The following IFT52 variants were observed in gnomAD, a reference collection of about 807,000 sequenced individuals.
The protein encoded by IFT52 is intraflagellar transport 52.
In IFT52, 44 loss-of-function variants were observed where a neutral mutation model predicts 54.4. The observed-to-expected ratio is 0.81, with a 90% CI of 0.63 to 1.04. IFT52 has a LOEUF of 1.04. Ranked by LOEUF, IFT52 falls within the 50% of genes least tolerant of loss-of-function variation. IFT52 has a pLI of 0.00. For synonymous variants in IFT52, 181 were observed against 185.3 expected (o/e 0.98, Z 0.19); for missense variants, 452 against 523.6 (o/e 0.86, Z 1.33).
intron 8 of IFT52, among the ~76,000 whole-genome samples, chr20:43,619,918 T>TTC (rs1555803878): frequency 7.2e-6 from 1 of 138,494 alleles, no homozygotes; most frequent in Non-Finnish European, 1.6e-5. Flanking sequence ...TACTTTTTTT[T>TTC]TTTTTTTTTT....
At chr20:43,596,736 CTTTTTTTTT>C (rs59960911) in intron 3 of IFT52, among the ~76,000 whole-genome samples, 30 of 75,916 alleles carry the variant, frequency 4.0e-4, no homozygotes, top group Non-Finnish European at 6.7e-4. Flanking sequence ...AGCCACACTT[CTTTTTTTTT>C]TTTTTTTTTT....
chr20:43,608,164 G>A (rs565459470), intron 6 of IFT52, among the ~76,000 whole-genome samples: 101 of 151,500 alleles, frequency 6.7e-4, no homozygotes, highest in African/African-American at 2.3e-3. Context: ...AGACCGTGGG[G>A]AGAGGGAGAG....
chr20:43,611,016 A>C (rs1029860862), intron 6 of IFT52, among the ~76,000 whole-genome samples: 3 of 152,032 alleles, frequency 2.0e-5, no homozygotes, highest in South Asian at 2.1e-4. Flanking sequence ...TTGAAAGCCT[A>C]GTGCCCTACT....
chr20:43,604,984 T>A lies in IFT52; in HGVS notation c.414-18T>A. ...CAAATTTTTTTTGTTTACTAGATTT[T>A]AATTTTTCTTCTTCAAGGGAAATTA... On this transcript the variant is annotated intron_variant, in intron 5 of 13. Coordinates refer to ENST00000373030, the MANE Select transcript of IFT52 (RefSeq NM_016004.5). The A allele has an allele frequency of 6.2e-7, 1 of 1,612,246 alleles. No individual in the cohort carries two copies. Among genetic ancestry groups the A allele is most frequent in the Non-Finnish European group, 8.5e-7 (1 of 1,178,826 alleles).
rs79707730 is a variant in IFT52, at chr20:43,627,596, A to C, written c.923+3551A>C. On this transcript the variant is annotated intron_variant, in intron 10 of 13. Coordinates refer to ENST00000373030, the MANE Select transcript of IFT52 (RefSeq NM_016004.5). ...AGGTGTTTTTTGGATGGAAGAAGTC[A>C]CAGGATATTTTTATACTGGTGGGAA... is the stretch of plus-strand genomic sequence containing the variant. 1.1e-3 allele frequency among the ~76,000 whole-genome samples: 166 copies of C among 152,358 alleles called. 2 individuals are homozygous for C. The East Asian group carries it at 0.031, about 29-fold the overall frequency.
intron 4 of IFT52, 87 bp downstream of exon 4, chr20:43,603,976 G>A (rs1982657423): frequency 2.8e-6 from 3 of 1,075,288 alleles, no homozygotes; most frequent in Non-Finnish European, 4.1e-6. Flanking sequence ...TGGCATAATG[G>A]AAAAAGCCCT....
intron 11 of IFT52, among the ~76,000 whole-genome samples, chr20:43,636,567 A>T (rs188912928): frequency 6.6e-6 from 1 of 152,298 alleles, no homozygotes; most frequent in East Asian, 1.9e-4. Flanking sequence ...ATGCTACAAA[A>T]CAGGCCTTCA....
At chr20:43,604,141 T>C (rs1307577416) in intron 4 of IFT52, 42 bp from the exon 5 acceptor site, 2 of 1,502,974 alleles carry the variant, frequency 1.3e-6, no homozygotes, top group Admixed American at 3.4e-5. Context: ...ATCGAATTTA[T>C]TTCTAACCTA....
At chr20:43,640,451 C>G (rs1316798644) in intron 12 of IFT52, among the ~76,000 whole-genome samples, 1 of 151,894 alleles carries the variant, frequency 6.6e-6, no homozygotes, top group South Asian at 2.1e-4. Flanking sequence ...CAGAGTGGGA[C>G]TCCATCTGAA....
chr20:43,634,462 C>T (rs1476449785), intron 10 of IFT52, among the ~76,000 whole-genome samples: 2 of 152,100 alleles, frequency 1.3e-5, no homozygotes, highest in Non-Finnish European at 2.9e-5. Context: ...CAGACAGAAA[C>T]TAGACTAACT....
intron 6 of IFT52, among the ~76,000 whole-genome samples, chr20:43,608,038 C>G (rs1030359180): frequency 1.0e-5 from 1 of 97,768 alleles, no homozygotes; most frequent in African/African-American, 3.5e-5. Context: ...ATCACAGGCA[C>G]TCGGCAGGCT....
At chr20:43,592,053 A>G (rs1981567791) in intron 1 of IFT52, among the ~76,000 whole-genome samples, 1 of 152,188 alleles carries the variant, frequency 6.6e-6, no homozygotes, top group Non-Finnish European at 1.5e-5. Flanking sequence ...TTTTTTAGCA[A>G]TTTAGAAAAT....
At chr20:43,628,663 C>T (rs746183661) in intron 10 of IFT52, among the ~76,000 whole-genome samples, 2 of 152,096 alleles carry the variant, frequency 1.3e-5, no homozygotes, top group Non-Finnish European at 2.9e-5. Flanking sequence ...CCAGCCTGGC[C>T]AGTATGGTGA....
chr20:43,637,169 T>C lies in IFT52; in HGVS notation c.1036T>C (p.Leu346=). The C allele has an allele frequency of 6.2e-7, 1 of 1,612,684 alleles. No homozygotes were observed. The highest frequency in any genetic ancestry group is 1.1e-5 in the South Asian group (1 of 91,006). The part of the protein sequence containing the change: ...PAVFPPSFRE[L]PPPPLELFDL... ...GGTTTTTCCTCCCAGTTTCCGGGAG[T>C]TACCACCTCCTCCTCTGGAGCTATT... Residue 346 remains leucine (L), a synonymous_variant, in exon 12 of 14, where the codon TTA becomes CTA. Transcript: ENST00000373030.
At position 43,644,373 on chromosome 20, in the gene IFT52, G is replaced by C. The variant is rs964688902; in HGVS notation, c.1266+1749G>C. ...GTTTTAATAATATAATTCGGAATACGTACAGATTTATCAACCAGGATTCTC... is the reference window on the plus strand; with the variant it reads ...GTTTTAATAATATAATTCGGAATACCTACAGATTTATCAACCAGGATTCTC... On this transcript the variant is annotated intron_variant, in intron 13 of 13. Transcript: ENST00000373030. 6.8e-5 allele frequency among the ~76,000 whole-genome samples: 4 copies of C among 58,720 alleles called. 2 individuals are homozygous for C. Among genetic ancestry groups the C allele is most frequent in the Non-Finnish European group, 1.6e-4 (4 of 24,410 alleles). The allele number at this position is 58,720 out of a possible 152,430, so 38.5% of individuals were successfully genotyped here.
chr20:43,605,195 A>T, intron 6 of IFT52, 122 bp downstream of exon 6: 1 of 1,474,582 alleles, frequency 6.8e-7, no homozygotes, highest in Non-Finnish European at 9.0e-7. Flanking sequence ...GTTCAAGAGG[A>T]AAAAAGTAGA....
At chr20:43,633,578 C>T (rs62225647) in intron 10 of IFT52, among the ~76,000 whole-genome samples, 4,076 of 151,876 alleles carry the variant, frequency 0.027, 67 homozygotes, top group Non-Finnish European at 0.037. Context: ...CATGGTGGCA[C>T]GCGTTTGTAG....
chr20:43,640,877 A>G (rs1985864279), intron 12 of IFT52, among the ~76,000 whole-genome samples: 1 of 152,012 alleles, frequency 6.6e-6, no homozygotes, highest in South Asian at 2.1e-4. Context: ...CTCAAATACA[A>G]AAAATCAGCC....
At chr20:43,641,966 G>GT (rs1985951342) in intron 12 of IFT52, among the ~76,000 whole-genome samples, 1 of 151,942 alleles carries the variant, frequency 6.6e-6, no homozygotes, top group Admixed American at 6.6e-5. Context: ...GCTAATTTTT[G>GT]TATTTTTAGT....
Sources: allele counts gnomAD v4.1 joint callset (sites outside exome capture counted in the v4.1 genomes callset), GRCh38; gene constraint gnomAD v4.1.1; transcripts MANE v1.5; gene names NCBI Gene and HGNC (gene_info 2026-07-23, HGNC 2026-07-21).